Variants in COL27A1 observed in about 807,000 individuals in gnomAD.
COL27A1 encodes the protein collagen type XXVII alpha 1 chain.
A neutral mutation model predicts 251.3 loss-of-function variants in COL27A1; 106 were observed. The ratio of observed to expected loss-of-function variants is 0.42; its 90% CI spans 0.36 to 0.50. COL27A1 has a LOEUF of 0.50. COL27A1 is among the 20% of genes least tolerant of loss of function. The pLI, the probability that COL27A1 is intolerant of heterozygous loss-of-function variation, is 0.00. For missense variants in COL27A1, 2,325 were observed against 2,522.8 expected (o/e 0.92, Z 1.68); for synonymous variants, 1,000 against 986.3 (o/e 1.01, Z -0.26).
intron 41 of COL27A1, among the ~76,000 whole-genome samples, chr9:114,285,833 C>T (rs753210431): frequency 7.2e-5 from 11 of 152,354 alleles, no homozygotes; most frequent in African/African-American, 2.4e-4. Flanking sequence ...AAGGCCTCTG[C>T]GCCGGAGCAT....
intron 3 of COL27A1, among the ~76,000 whole-genome samples, chr9:114,177,150 G>A (rs1051593812): frequency 2.0e-5 from 3 of 152,152 alleles, no homozygotes; most frequent in Non-Finnish European, 2.9e-5. Context: ...CCATCTTAAC[G>A]GGGAGCATCT....
intron 24 of COL27A1, among the ~76,000 whole-genome samples, chr9:114,248,953 C>T (rs959960338): frequency 6.6e-6 from 1 of 152,186 alleles, no homozygotes; most frequent in East Asian, 1.9e-4. Flanking sequence ...CCCCTGTGCC[C>T]TTGTAAAATA....
At chr9:114,251,284 G>T (rs1461026072) in intron 25 of COL27A1, among the ~76,000 whole-genome samples, 2 of 152,064 alleles carry the variant, frequency 1.3e-5, no homozygotes, top group African/African-American at 4.8e-5. Context: ...CCATTGAATA[G>T]ATGGAGGAAC....
rs764858675 is a variant in COL27A1, at chr9:114,302,104, A to G, written c.4868A>G (p.Gln1623Arg). Residue 1623 changes from glutamine (Q) to arginine (R), a missense_variant, in exon 56 of 61, where the codon CAA becomes CGA. By Grantham distance (43) the Gln-to-Arg change is conservative. This residue lies in a region of COL27A1 where 327 missense variants were observed against 442.8 expected (regional missense o/e 0.74). Transcript: ENST00000356083. ...CAGGGTCCTCCAGGGGGTCCTATCC[A>G]ATTGGTAAGTTGGAAACCTTCTCTT... ...GPPGPPGGPI[Q>R]LQQDDLGAAF... The G allele has an allele frequency of 1.1e-5, 18 of 1,612,570 alleles. No individual in the cohort carries two copies. The highest frequency in any genetic ancestry group is 1.7e-5 in the Admixed American group (1 of 59,992).
At chr9:114,194,578 C>A in intron 6 of COL27A1, 121 bp downstream of exon 6, 2 of 871,556 alleles carry the variant, frequency 2.3e-6, no homozygotes, top group South Asian at 1.6e-5. Flanking sequence ...GAGGTGGGAA[C>A]ATCTGGAAGG....
chr9:114,240,542 C>T (rs989198032), intron 21 of COL27A1, 55 bp downstream of exon 21: 14 of 1,521,930 alleles, frequency 9.2e-6, no homozygotes, highest in Non-Finnish European at 1.3e-5. Flanking sequence ...CAGCCCCCAG[C>T]CTGCCCTGTC....
chr9:114,235,482 C>G (rs1257591965), intron 16 of COL27A1, 117 bp from the exon 17 acceptor site: 1 of 817,940 alleles, frequency 1.2e-6, no homozygotes, highest in East Asian at 2.4e-5. Context: ...TGCTGCTGGC[C>G]GGATCCGACT....
chr9:114,254,629 A>T (rs6478074), intron 27 of COL27A1, among the ~76,000 whole-genome samples: 1 of 151,914 alleles, frequency 6.6e-6, no homozygotes, highest in Non-Finnish European at 1.5e-5. Flanking sequence ...TCCAAAGTCC[A>T]GACTGAGGAG....
chr9:114,211,167 G>A (rs986526455), intron 12 of COL27A1, 141 bp downstream of exon 12: 9 of 882,726 alleles, frequency 1.0e-5, no homozygotes, highest in Non-Finnish European at 1.6e-5. Context: ...GGGGTTGTCT[G>A]GCCACAGGAC....
chr9:114,159,340 C>A (rs951854097), intron 1 of COL27A1, among the ~76,000 whole-genome samples: 1 of 152,164 alleles, frequency 6.6e-6, no homozygotes, highest in African/African-American at 2.4e-5. Flanking sequence ...CCGAGAAGGA[C>A]ATGTGTCGTT....
At chr9:114,266,793 C>T (rs1008699516) in intron 33 of COL27A1, among the ~76,000 whole-genome samples, 175 bp downstream of exon 33, 5 of 152,142 alleles carry the variant, frequency 3.3e-5, no homozygotes, top group African/African-American at 1.2e-4. Context: ...GTAGATCCAT[C>T]CTGGTGGCAT....
chr9:114,196,671 G>A (rs1829158571), intron 7 of COL27A1, among the ~76,000 whole-genome samples: 1 of 152,314 alleles, frequency 6.6e-6, no homozygotes, highest in South Asian at 2.1e-4. Flanking sequence ...GAGGCAGTGG[G>A]TTCTCTCTAT....
intron 25 of COL27A1, 42 bp downstream of exon 25, chr9:114,250,710 T>C (rs1329170769): frequency 6.3e-7 from 1 of 1,584,606 alleles, no homozygotes; most frequent in Non-Finnish European, 8.7e-7. Context: ...TTAGAGCTTG[T>C]GTTTTGAAAT....
intron 1 of COL27A1, 59 bp from the exon 2 acceptor site, chr9:114,162,656 G>T: frequency 1.5e-6 from 2 of 1,293,098 alleles, no homozygotes; most frequent in Admixed American, 1.7e-5. Flanking sequence ...TCCCCAGCCG[G>T]ATCCGGGTGT....
In COL27A1 at chr9:114,292,112, G is replaced by T; in HGVS notation, c.4486G>T (p.Gly1496Trp). Residue 1496 changes from glycine to tryptophan, a missense_variant, in exon 49 of 61, where the codon GGG (glycine) becomes TGG (tryptophan). Physicochemically the swap from Gly to Trp is radical, Grantham distance 184 (BLOSUM62 -2). Around this residue, in one of 4 missense-constraint regions of COL27A1, gnomAD observed 153 missense variants for 140.7 expected, o/e 1.09. Transcript: ENST00000356083. ...QGPPGFKGES[G>W]LPGQLGPPGK... ...TGTGTGTTTCTTTAAGGGTGAGAGT[G>T]GGTTACCCGGACAGCTGGGTCCCCC... 3 of 1,556,942 alleles carry T rather than the reference G, an allele frequency of 1.9e-6. No homozygotes were observed. The East Asian group carries it at 7.3e-5, about 38-fold the overall frequency.
At chr9:114,190,324 T>G (rs1301156305) in intron 5 of COL27A1, among the ~76,000 whole-genome samples, 4 of 152,152 alleles carry the variant, frequency 2.6e-5, no homozygotes, top group Non-Finnish European at 4.4e-5. Context: ...CAGGCTGGAG[T>G]GCAGTGGTGC....
rs140636054 is a variant in COL27A1, at chr9:114,223,137, C to T, written c.2466+870C>T. On this transcript the variant is annotated intron_variant, in intron 14 of 60. Transcript: ENST00000356083. Reference sequence around the variant, plus strand: ...AATGAGTGTTAACCTTGGGCCCAGCCGCAGGGGCCAGTGAGAGGTCAGAGC... The same window carrying T: ...AATGAGTGTTAACCTTGGGCCCAGCTGCAGGGGCCAGTGAGAGGTCAGAGC... Among the ~76,000 whole-genome samples, 422 of 152,222 alleles carry T rather than the reference C, an allele frequency of 2.8e-3. 3 individuals carry two copies. The highest frequency in any genetic ancestry group is 0.01 in the Middle Eastern group (3 of 294).
chr9:114,304,261 A>G (rs999416854), intron 56 of COL27A1, among the ~76,000 whole-genome samples: 1 of 152,374 alleles, frequency 6.6e-6, no homozygotes, highest in Middle Eastern at 3.4e-3. Context: ...CAGATGGATC[A>G]TGGCGTTTAG....
At chr9:114,260,049 C>T (rs563896221) in intron 28 of COL27A1, among the ~76,000 whole-genome samples, 5 of 152,188 alleles carry the variant, frequency 3.3e-5, no homozygotes, top group East Asian at 1.9e-4. Context: ...AGGCTCCATC[C>T]GGATCCTCTG....
Sources: allele counts gnomAD v4.1 joint callset (sites outside exome capture counted in the v4.1 genomes callset), GRCh38; gene constraint gnomAD v4.1.1; regional missense constraint gnomAD v4.1.1; transcripts MANE v1.5; gene names NCBI Gene and HGNC (gene_info 2026-07-23, HGNC 2026-07-21).